The following AOAH variants were observed in gnomAD, a reference collection of about 807,000 sequenced individuals.
AOAH encodes the protein acyloxyacyl hydrolase (neutrophil).
AOAH carries 64 observed loss-of-function variants against 92.2 expected under a neutral mutation model. That is an observed-to-expected ratio of 0.69 (90% CI 0.57 to 0.86). The LOEUF (loss-of-function observed/expected upper bound fraction) is 0.86. Ranked by LOEUF, AOAH falls within the 40% of genes least tolerant of loss-of-function variation. AOAH has a pLI of 0.00. For missense variants in AOAH, 656 were observed against 694.6 expected (o/e 0.94, Z 0.62); for synonymous variants, 263 against 254.5 (o/e 1.03, Z -0.32).
At chr7:36,518,112 C>G (rs1444548712) in intron 20 of AOAH, among the ~76,000 whole-genome samples, 1 of 152,090 alleles carries the variant, frequency 6.6e-6, no homozygotes, top group African/African-American at 2.4e-5. Flanking sequence ...ATCATTGCTC[C>G]TATGGTCTGT....
chr7:36,642,003 A>G (rs1024506993), intron 4 of AOAH, among the ~76,000 whole-genome samples: 1 of 152,152 alleles, frequency 6.6e-6, no homozygotes, highest in Admixed American at 6.5e-5. Flanking sequence ...AAGTCTTCAG[A>G]CAAGAGGAGA....
intron 1 of AOAH, among the ~76,000 whole-genome samples, chr7:36,688,850 T>TACAC (rs1172819021): frequency 6.6e-6 from 1 of 152,098 alleles, no homozygotes; most frequent in African/African-American, 2.4e-5. Context: ...TATATGTGTA[T>TACAC]ATGTATATGT....
intron 5 of AOAH, among the ~76,000 whole-genome samples, chr7:36,636,283 A>AT (rs977166445): frequency 1.9e-4 from 29 of 150,816 alleles, no homozygotes; most frequent in African/African-American, 4.6e-4. Flanking sequence ...GTTCAGTAGA[A>AT]TTTTTTTTTT....
At chr7:36,521,364 G>A (rs1784099402) in intron 20 of AOAH, among the ~76,000 whole-genome samples, 1 of 152,162 alleles carries the variant, frequency 6.6e-6, no homozygotes, top group Non-Finnish European at 1.5e-5. Context: ...AAGAAATGTC[G>A]TGAGCAAGTC....
At chr7:36,546,503 A>T (rs113958405) in intron 15 of AOAH, among the ~76,000 whole-genome samples, 3,639 of 152,250 alleles carry the variant, frequency 0.024, 166 homozygotes, top group African/African-American at 0.083. Context: ...CTGCTTCTCT[A>T]CCCAGATCTC....
intron 4 of AOAH, among the ~76,000 whole-genome samples, chr7:36,658,548 G>A (rs1389010122): frequency 6.6e-6 from 1 of 152,104 alleles, no homozygotes; most frequent in Non-Finnish European, 1.5e-5. Context: ...AATGCACACA[G>A]GGTCCTCTGA....
intron 16 of AOAH, among the ~76,000 whole-genome samples, chr7:36,536,691 G>C (rs1283357955): frequency 6.6e-6 from 1 of 152,138 alleles, no homozygotes; most frequent in African/African-American, 2.4e-5. Context: ...GCTCATGCCT[G>C]TAATCCCAGC....
intron 3 of AOAH, among the ~76,000 whole-genome samples, chr7:36,662,322 G>A (rs111936326): frequency 1.3e-5 from 2 of 152,344 alleles, no homozygotes; most frequent in African/African-American, 4.8e-5. Flanking sequence ...AGAGGGAAAT[G>A]CAGCGTTCAT....
chr7:36,576,444 G>T, intron 13 of AOAH, 130 bp downstream of exon 13: 1 of 580,798 alleles, frequency 1.7e-6, no homozygotes, highest in Non-Finnish European at 3.0e-6. Context: ...AAGGGCAATG[G>T]CATTGGAAGG....
intron 5 of AOAH, among the ~76,000 whole-genome samples, chr7:36,636,601 TTCAC>T: frequency 6.6e-6 from 1 of 152,356 alleles, no homozygotes; most frequent in East Asian, 1.9e-4. Flanking sequence ...CCCTTAATTA[TTCAC>T]TGAATTAAAT....
chr7:36,570,151 A>G (rs894344432), intron 13 of AOAH, among the ~76,000 whole-genome samples: 3 of 152,206 alleles, frequency 2.0e-5, no homozygotes, highest in Non-Finnish European at 4.4e-5. Context: ...AACCAGTTGA[A>G]CATCAGCTCC....
At position 36,513,294 on chromosome 7, in the gene AOAH, G is replaced by T; in HGVS notation, c.1686C>A (p.Asn562Lys). ...CTCCAAACACCTGTTTAATCTGGGG[G>T]TTGAACGGATTCTCCTTTCCCAGGA... ...PQILGKENPFNPQIKQVFGDQ... is the reference protein window; with the variant it reads ...PQILGKENPFKPQIKQVFGDQ... Residue 562 changes from asparagine to lysine, a missense_variant, in exon 21 of 21, where the codon AAC becomes AAA. Coordinates refer to ENST00000617537, the MANE Select transcript of AOAH (RefSeq NM_001637.4). 1 of 1,614,178 alleles carries T rather than the reference G, an allele frequency of 6.2e-7. No homozygotes were observed. The highest frequency in any genetic ancestry group is 2.2e-5 in the East Asian group (1 of 44,878).
chr7:36,542,074 G>T (rs1785462206), intron 15 of AOAH, among the ~76,000 whole-genome samples: 1 of 152,184 alleles, frequency 6.6e-6, no homozygotes, highest in Admixed American at 6.5e-5. Flanking sequence ...CATTAGTTAA[G>T]ATGAGGTCAT....
rs1554360832 is a variant in AOAH at position 36,517,156 on chromosome 7, G to GTCTTTCTTTCTTTCTTTCTTTCTT, written c.1600-3800_1600-3777dup. On this transcript the variant is annotated intron_variant, in intron 20 of 20. Transcript: ENST00000617537. ...CCCTTTCCTCTCTTTATCCATGTTAGTCTTTCTTTCTTTCTTTCTTTCTTT... is the reference window on the plus strand; with the variant it reads ...CCCTTTCCTCTCTTTATCCATGTTAGTCTTTCTTTCTTTCTTTCTTTCTTTCTTTCTTTCTTTCTTTCTTTCTTT... Among the ~76,000 whole-genome samples the GTCTTTCTTTCTTTCTTTCTTTCTT allele has an allele frequency of 8.2e-4, 78 of 95,474 alleles. 1 individual carries two copies. The highest frequency in any genetic ancestry group is 2.4e-3 in the African/African-American group (59 of 24,296). 62.6% of individuals were successfully genotyped at this position (95,474 alleles called of 152,430 possible).
chr7:36,706,876 G>A (rs1008693963), intron 1 of AOAH, among the ~76,000 whole-genome samples: 2 of 152,056 alleles, frequency 1.3e-5, no homozygotes, highest in Non-Finnish European at 2.9e-5. Flanking sequence ...GAATTGAAGA[G>A]AGCTAGGATT....
intron 11 of AOAH, among the ~76,000 whole-genome samples, chr7:36,612,555 C>A (rs1791542229): frequency 6.6e-6 from 1 of 152,104 alleles, no homozygotes. Context: ...TTTTAAAAGG[C>A]AAATTTGCAG....
intron 1 of AOAH, among the ~76,000 whole-genome samples, chr7:36,707,995 G>A (rs149958152): frequency 1.6e-4 from 25 of 152,002 alleles, no homozygotes; most frequent in Middle Eastern, 3.4e-3. Context: ...GTCTTGTTAC[G>A]TTGCCCAGGC....
intron 8 of AOAH, 131 bp from the exon 9 acceptor site, chr7:36,620,960 C>T (rs1792237091): frequency 5.2e-6 from 4 of 766,432 alleles, no homozygotes; most frequent in Non-Finnish European, 8.7e-6. Context: ...CAGCATTCTT[C>T]ATGGAATAGC....
rs1783681595 is a variant in AOAH at position 36,516,099 on chromosome 7, CCACACAGATACATCACACACACACCA to C, written c.1600-2745_1600-2720del. Among the ~76,000 whole-genome samples, 1 of 148,548 alleles carries C rather than the reference CCACACAGATACATCACACACACACCA, an allele frequency of 6.7e-6. No homozygotes were observed. Among genetic ancestry groups the C allele is most frequent in the Non-Finnish European group, 1.5e-5 (1 of 66,808 alleles). On this transcript the variant is annotated intron_variant, in intron 20 of 20. Coordinates refer to ENST00000617537, the MANE Select transcript of AOAH (RefSeq NM_001637.4). The surrounding 1 kb of genome is among the most constrained non-coding windows in gnomAD (Gnocchi z 5.0). Reference sequence around the variant, plus strand: ...ACGCCACATACACACCATACACACACCACACAGATACATCACACACACACCACACACAGATACACCACACACATCTC... The same window carrying C: ...ACGCCACATACACACCATACACACACCACACAGATACACCACACACATCTC...
Sources: gnomAD v4.1 joint callset for allele counts (sites outside exome capture counted in the v4.1 genomes callset) on GRCh38, gnomAD v4.1.1 for gene constraint, Gnocchi (gnomAD v3.1) non-coding constraint, MANE v1.5 for transcripts, NCBI Gene and HGNC (gene_info 2026-07-23, HGNC 2026-07-21) for gene names.